The following SLC16A7 variants were observed in gnomAD, a reference collection of about 807,000 sequenced individuals.
SLC16A7 encodes solute carrier family 16 member 7, also known as monocarboxylate transporter 2.
SLC16A7 carries 33 observed loss-of-function variants against 34.9 expected under a neutral mutation model. The observed-to-expected ratio is 0.94, with a 90% CI of 0.72 to 1.26. The LOEUF (loss-of-function observed/expected upper bound fraction) is 1.26, where lower values mean the gene tolerates loss of function less well. SLC16A7 is among the 50% of genes most tolerant of loss of function. The pLI, the probability that SLC16A7 is intolerant of heterozygous loss-of-function variation, is 0.00. For synonymous variants in SLC16A7, 201 were observed against 206.6 expected (o/e 0.97, Z 0.23); for missense variants, 573 against 578.1 (o/e 0.99, Z 0.09).
At chr12:59,674,831 G>C (rs1870174409) in intron 2 of SLC16A7, among the ~76,000 whole-genome samples, 1 of 152,140 alleles carries the variant, frequency 6.6e-6, no homozygotes, top group South Asian at 2.1e-4. Flanking sequence ...AGTACATTTG[G>C]GAAGGCTGTT....
chr12:59,771,832 A>G (rs1041712147), intron 4 of SLC16A7, among the ~76,000 whole-genome samples: 4 of 152,250 alleles, frequency 2.6e-5, no homozygotes, highest in East Asian at 1.9e-4. Flanking sequence ...CAATAAAATT[A>G]TTGTTACTTG....
At chr12:59,744,678 T>C (rs1330717435) in intron 3 of SLC16A7, among the ~76,000 whole-genome samples, 6 of 152,130 alleles carry the variant, frequency 3.9e-5, no homozygotes, top group Non-Finnish European at 8.8e-5. Context: ...GAGCTATAAA[T>C]ACTTAAGCCG....
chr12:59,776,984 C>T (rs1208979057), intron 5 of SLC16A7, among the ~76,000 whole-genome samples: 2 of 152,064 alleles, frequency 1.3e-5, no homozygotes, highest in African/African-American at 4.8e-5. Flanking sequence ...TTCTTATCCA[C>T]ACAATTCTTA....
At chr12:59,688,659 G>C (rs1451911363) in intron 2 of SLC16A7, among the ~76,000 whole-genome samples, 2 of 151,948 alleles carry the variant, frequency 1.3e-5, no homozygotes, top group East Asian at 3.9e-4. Context: ...CTGTCTGTGA[G>C]TATCCTCTTT....
At chr12:59,709,567 C>A (rs562850056) in intron 3 of SLC16A7, among the ~76,000 whole-genome samples, 3 of 151,578 alleles carry the variant, frequency 2.0e-5, no homozygotes, top group Middle Eastern at 3.4e-3. Flanking sequence ...TCATGCTGTG[C>A]AATATCTTAG....
chr12:59,653,248 A>G (rs1267936816), intron 1 of SLC16A7, among the ~76,000 whole-genome samples: 2 of 151,782 alleles, frequency 1.3e-5, no homozygotes, highest in East Asian at 1.9e-4. Flanking sequence ...AGAAATTTTT[A>G]GTTGATGAAT....
rs770530468 is a variant in SLC16A7, at chr12:59,775,084, C to T, written c.789C>T (p.Ala263=). Residue 263 remains alanine, a synonymous_variant, in exon 5 of 6, where the codon GCC becomes GCT. Coordinates refer to ENST00000547379, the MANE Select transcript of SLC16A7 (RefSeq NM_001270623.2). ...GNVIMFLGFF[A]PIIFLAPYAK... Reference sequence around the variant, plus strand: ...TCATTATGTTCCTAGGTTTTTTTGCCCCCATTATATTCTTGGCTCCATATG... The same window carrying T: ...TCATTATGTTCCTAGGTTTTTTTGCTCCCATTATATTCTTGGCTCCATATG... 6.2e-7 allele frequency: 1 copy of T among 1,613,664 alleles called. No individual in the cohort carries two copies. Among genetic ancestry groups the T allele is most frequent in the Non-Finnish European group, 8.5e-7 (1 of 1,179,874 alleles).
At chr12:59,771,480 C>A in intron 4 of SLC16A7, 118 bp downstream of exon 4, 2 of 697,390 alleles carry the variant, frequency 2.9e-6, no homozygotes, top group South Asian at 3.9e-5. Context: ...ATAAACAATG[C>A]AGTTTTAAAA....
rs1292530870 is a variant in SLC16A7 at position 59,786,735 on chromosome 12, C to G, written c.*7056C>G. 2 of 152,116 alleles carry G rather than the reference C, an allele frequency of 1.3e-5. No individual in the cohort carries two copies. Among genetic ancestry groups the G allele is most frequent in the African/African-American group, 4.8e-5 (2 of 41,436 alleles). 9.4% of individuals were successfully genotyped at this position (152,116 alleles called of 1,614,324 possible). ...ATTAAGGATTTTGCCTAAACCTATACCAATACTCTGAATAAATGCAGGGTT... is the reference window on the plus strand; with the variant it reads ...ATTAAGGATTTTGCCTAAACCTATAGCAATACTCTGAATAAATGCAGGGTT... On this transcript the variant is annotated 3_prime_UTR_variant, in exon 6 of 6. Transcript: ENST00000547379.
At chr12:59,706,445 A>G (rs915377636) in intron 3 of SLC16A7, among the ~76,000 whole-genome samples, 1 of 152,068 alleles carries the variant, frequency 6.6e-6, no homozygotes, top group Admixed American at 6.6e-5. Context: ...CTTTATATTA[A>G]TACAGCATAT....
intron 1 of SLC16A7, among the ~76,000 whole-genome samples, chr12:59,654,141 A>G (rs1293679056): frequency 6.6e-6 from 1 of 151,304 alleles, no homozygotes; most frequent in Non-Finnish European, 1.5e-5. Context: ...ATGTGGTGCC[A>G]TAGTTATAAC....
At chr12:59,763,573 C>G (rs941901552) in intron 3 of SLC16A7, among the ~76,000 whole-genome samples, 2 of 152,024 alleles carry the variant, frequency 1.3e-5, no homozygotes, top group South Asian at 2.1e-4. Context: ...ACTATACTGC[C>G]TTTTTATCAT....
intron 4 of SLC16A7, 23 bp downstream of exon 4, chr12:59,771,385 T>A: frequency 6.6e-7 from 1 of 1,506,070 alleles, no homozygotes; most frequent in Non-Finnish European, 9.0e-7. Context: ...GTCTTCAGCT[T>A]ATTCTTAACT....
chr12:59,661,810 T>G (rs1868866392), intron 2 of SLC16A7, among the ~76,000 whole-genome samples: 1 of 152,138 alleles, frequency 6.6e-6, no homozygotes, highest in Admixed American at 6.6e-5. Context: ...CAAATTTGAC[T>G]GATGCCATCT....
chr12:59,779,301 A>AAAG (rs368089537), intron 5 of SLC16A7, 122 bp from the exon 6 acceptor site: 1 of 741,704 alleles, frequency 1.3e-6, no homozygotes, highest in African/African-American at 1.8e-5. Flanking sequence ...TTTTATTTTT[A>AAAG]AAGTCTTATT....
intron 3 of SLC16A7, among the ~76,000 whole-genome samples, chr12:59,755,621 G>A (rs1442780501): frequency 6.6e-6 from 1 of 152,110 alleles, no homozygotes; most frequent in African/African-American, 2.4e-5. Context: ...ACAAAGAAAT[G>A]GAAGAACATT....
At chr12:59,642,791 A>G (rs1380236707) in intron 1 of SLC16A7, among the ~76,000 whole-genome samples, 3 of 152,134 alleles carry the variant, frequency 2.0e-5, no homozygotes, top group Non-Finnish European at 4.4e-5. Context: ...GATTGTCTTT[A>G]TAGAGTTCAG....
At chr12:59,698,749 A>C (rs1872576923) in intron 2 of SLC16A7, among the ~76,000 whole-genome samples, 1 of 151,764 alleles carries the variant, frequency 6.6e-6, no homozygotes, top group Admixed American at 6.6e-5. Flanking sequence ...ACAGTAATGG[A>C]GTACTCTGTA....
intron 1 of SLC16A7, among the ~76,000 whole-genome samples, chr12:59,601,264 G>C (rs1878669326): frequency 6.6e-6 from 1 of 152,054 alleles, no homozygotes; most frequent in Admixed American, 6.6e-5. Context: ...ATATGTAAAA[G>C]AATGGTACTT....
Sources: allele counts gnomAD v4.1 joint callset (sites outside exome capture counted in the v4.1 genomes callset), GRCh38; gene constraint gnomAD v4.1.1; transcripts MANE v1.5; gene names NCBI Gene and HGNC (gene_info 2026-07-23, HGNC 2026-07-21).